The following TSC2 variants were observed in gnomAD, a reference collection of about 807,000 sequenced individuals.
The protein encoded by TSC2 is TSC complex subunit 2.
Under a neutral mutation model 202.2 loss-of-function variants are expected in TSC2, and 29 were observed. The observed-to-expected ratio is 0.14, with a 90% CI of 0.11 to 0.20. The LOEUF is 0.20. TSC2 is among the 10% of genes least tolerant of loss of function. The pLI is 1.00. For missense variants in TSC2, 2,429 were observed against 2,420.0 expected, an observed-to-expected ratio of 1.00 and a Z score of -0.08; for synonymous variants, 1,349 against 1,044.0, an observed-to-expected ratio of 1.29 and a Z score of -5.63.
chr16:2,063,301 C>T (rs1432349241), intron 14 of TSC2: 3 of 598,344 alleles, frequency 5.0e-6, no homozygotes, highest in South Asian at 2.0e-5. Context: ...CCTCAGGGAG[C>T]TCCGGCCGGT....
rs1596311941 is a variant in TSC2, at chr16:2,064,304, G to C, written c.1476G>C (p.Gln492His). The C allele has an allele frequency of 6.2e-7, 1 of 1,613,886 alleles. No individual in the cohort carries two copies. Among genetic ancestry groups the C allele is most frequent in the East Asian group, 2.2e-5 (1 of 44,878 alleles). Residue 492 changes from glutamine to histidine, a missense_variant, in exon 15 of 42, where the codon CAG becomes CAC. Physicochemically the swap from Gln to His is conservative, Grantham distance 24. Transcript: ENST00000219476. ...EELINSVVISQLSHIPEDKDH... is the reference protein window; with the variant it reads ...EELINSVVISHLSHIPEDKDH... ...TGATTAACTCAGTGGTCATCTCGCA[G>C]CTCTCCCACATCCCCGAGGATAAAG... is the stretch of plus-strand genomic sequence containing the variant.
chr16:2,087,569 C>T (rs551742659), intron 38 of TSC2, among the ~76,000 whole-genome samples: 7 of 151,548 alleles, frequency 4.6e-5, no homozygotes, highest in East Asian at 2.0e-4. Flanking sequence ...GCTGGGCAGA[C>T]GGATTCGGAC....
At chr16:2,053,294 G>A in intron 3 of TSC2, 48 bp from the exon 4 acceptor site, 2 of 1,540,406 alleles carry the variant, frequency 1.3e-6, no homozygotes, top group Non-Finnish European at 1.8e-6. Flanking sequence ...CCGGGGCCAG[G>A]GTTCTTGGAG....
rs45457701 is a variant in TSC2 at position 2,061,961 on chromosome 16, C to G, written c.1210C>G (p.Gln404Glu). The G allele has an allele frequency of 6.2e-7, 1 of 1,614,166 alleles. No individual in the cohort carries two copies. The stretch of plus-strand genomic sequence containing the variant: ...TGACCAGAACGAGTTCCACGGGTCT[C>G]AGGAGAGATACTTTGAACTGGTGGA... ...LCDQNEFHGS[Q>E]ERYFELVERC... Residue 404 changes from glutamine to glutamate, a missense_variant, in exon 12 of 42, where the codon CAG becomes GAG. Physicochemically the swap from Gln to Glu is conservative, Grantham distance 29 (BLOSUM62 2). Transcript: ENST00000219476.
Position 2,088,059 on chromosome 16 carries a change from C to A in TSC2, c.5080C>A (p.Leu1694Ile), listed in dbSNP as rs760781650. Residue 1694 changes from leucine (L) to isoleucine (I), a missense_variant, in exon 40 of 42, where the codon CTT becomes ATT. Coordinates refer to ENST00000219476, the MANE Select transcript of TSC2 (RefSeq NM_000548.5). The stretch of plus-strand genomic sequence containing the variant: ...CCAAGTCTCCCCAGACATGGAGGGC[C>A]TTGTGGACACCAGCGTGGCCAAGAT... ...SLQCRKDMEG[L>I]VDTSVAKIVS... is the part of the protein sequence containing the mutation. 6.2e-7 allele frequency: 1 copy of A among 1,612,680 alleles called. No homozygotes were observed. The highest frequency in any genetic ancestry group is 1.1e-5 in the South Asian group (1 of 91,086).
intron 11 of TSC2, 75 bp downstream of exon 11, chr16:2,060,888 C>T (rs570262607): frequency 1.3e-6 from 2 of 1,571,048 alleles, no homozygotes; most frequent in East Asian, 2.3e-5. Flanking sequence ...GAAGATGGTA[C>T]CTTGGGCCCC....
chr16:2,056,628 T>C lies in TSC2; in HGVS notation c.649-16T>C, dbSNP rs1417361912. 6.2e-7 allele frequency: 1 copy of C among 1,607,906 alleles called. No individual in the cohort carries two copies. Among genetic ancestry groups the C allele is most frequent in the Non-Finnish European group, 8.5e-7 (1 of 1,179,910 alleles). On this transcript the variant is annotated splice_polypyrimidine_tract_variant and intron_variant, in intron 7 of 41. Coordinates refer to ENST00000219476, the MANE Select transcript of TSC2 (RefSeq NM_000548.5). Reference sequence around the variant, plus strand: ...GCTGGGGTAGGACGGGCGTGAGCCGTCTCCCTCTCCACCAGGTCTCCCTGC... The same window carrying C: ...GCTGGGGTAGGACGGGCGTGAGCCGCCTCCCTCTCCACCAGGTCTCCCTGC...
intron 32 of TSC2, chr16:2,083,113 C>T (rs2090336320): frequency 2.2e-6 from 1 of 455,286 alleles, no homozygotes; most frequent in Non-Finnish European, 4.4e-6. Context: ...TGTGGGGCGC[C>T]CGGGGGCTGT....
intron 2 of TSC2, among the ~76,000 whole-genome samples, chr16:2,049,708 T>G (rs1481389869): frequency 1.3e-5 from 2 of 151,382 alleles, no homozygotes; most frequent in Non-Finnish European, 2.9e-5. Context: ...CGCCTGTAAT[T>G]CCAGCTACTC....
chr16:2,058,819 C>T lies in TSC2; in HGVS notation c.921C>T (p.His307=), dbSNP rs878854121. ...TGGGCATGGCTCTCTGGGGAGCCCA[C>T]CGGCTCTATTCTCTCAGGAACTCGC... ...FFVGMALWGA[H]RLYSLRNSPT... is the part of the protein sequence containing the mutation. The change falls in exon 10 of 42, where the codon CAC becomes CAT. Residue 307 remains histidine, a synonymous_variant. Transcript: ENST00000219476. 6.2e-7 allele frequency: 1 copy of T among 1,603,116 alleles called. No individual in the cohort carries two copies. The highest frequency in any genetic ancestry group is 8.5e-7 in the Non-Finnish European group (1 of 1,174,738).
chr16:2,065,755 G>A, intron 16 of TSC2, 120 bp downstream of exon 16: 1 of 910,916 alleles, frequency 1.1e-6, no homozygotes, highest in Non-Finnish European at 1.8e-6. Context: ...TGGATTTGCT[G>A]AGGGTGCGGT....
intron 2 of TSC2, among the ~76,000 whole-genome samples, chr16:2,049,622 T>C (rs1386004281): frequency 2.0e-5 from 3 of 151,608 alleles, no homozygotes; most frequent in Admixed American, 6.6e-5. Context: ...GTCAGGAGTT[T>C]GAGACCAGCC....
intron 41 of TSC2, 27 bp from the exon 42 acceptor site, chr16:2,088,411 CCCAGACTT>C (rs1337072487): frequency 6.2e-7 from 1 of 1,612,640 alleles, no homozygotes; most frequent in East Asian, 2.2e-5. Context: ...TGCCACGCCT[CCCAGACTT>C]ACTGCCCAAG....
At chr16:2,055,267 C>T (rs549393529) in intron 5 of TSC2, 135 bp from the exon 6 acceptor site, 2 of 782,116 alleles carry the variant, frequency 2.6e-6, no homozygotes, top group Middle Eastern at 3.4e-4. Flanking sequence ...CGTGGTCTGT[C>T]TGTTGCTGCC....
intron 26 of TSC2, chr16:2,078,703 C>G: frequency 2.4e-6 from 1 of 414,992 alleles, no homozygotes; most frequent in Non-Finnish European, 4.6e-6. Context: ...TCTGTGTGGC[C>G]TCCGCCTCTC....
chr16:2,056,319 C>G (rs2085808370), intron 7 of TSC2, 75 bp downstream of exon 7: 1 of 1,588,856 alleles, frequency 6.3e-7, no homozygotes, highest in East Asian at 2.2e-5. Flanking sequence ...GGGTTGAGCC[C>G]TGTGTGCCAC....
At chr16:2,071,223 A>G (rs2088314012) in intron 17 of TSC2, among the ~76,000 whole-genome samples, 1 of 152,152 alleles carries the variant, frequency 6.6e-6, no homozygotes. Flanking sequence ...GTGCTGCCAG[A>G]GGAGCGAGGC....
intron 1 of TSC2, chr16:2,048,386 A>T: frequency 1.2e-6 from 1 of 850,152 alleles, no homozygotes; most frequent in Non-Finnish European, 2.0e-6. Context: ...AGCTCTCTAG[A>T]CCAGGCCTGG....
Position 2,048,608 on chromosome 16 carries a change from G to C in TSC2, c.-8G>C, listed in dbSNP as rs1298658841. 1.2e-6 allele frequency: 2 copies of C among 1,613,646 alleles called. No individual in the cohort carries two copies. Among genetic ancestry groups the C allele is most frequent in the East Asian group, 2.2e-5 (1 of 44,890 alleles). ...ACAGAGGGGTTTTCTGGTGCGTCCT[G>C]GTCCACCATGGCCAAACCAACAAGC... is the stretch of plus-strand genomic sequence containing the variant. On this transcript the variant is annotated 5_prime_UTR_variant, in exon 2 of 42. Coordinates refer to ENST00000219476, the MANE Select transcript of TSC2 (RefSeq NM_000548.5).
Sources: allele counts gnomAD v4.1 joint callset (sites outside exome capture counted in the v4.1 genomes callset), GRCh38; gene constraint gnomAD v4.1.1; transcripts MANE v1.5; gene names NCBI Gene and HGNC (gene_info 2026-07-23, HGNC 2026-07-21).